Variants in ADARB2 observed in about 807,000 individuals in gnomAD.
The protein encoded by ADARB2 is inactive double-stranded RNA-specific editase B2.
ADARB2 carries 25 observed loss-of-function variants against 62.2 expected under a neutral mutation model. The ratio of observed to expected loss-of-function variants is 0.40; its 90% confidence interval spans 0.29 to 0.56. The LOEUF (loss-of-function observed/expected upper bound fraction) is 0.56, where lower values mean the gene tolerates loss of function less well. ADARB2 is among the 20% of genes least tolerant of loss of function. The pLI, the probability that ADARB2 is intolerant of heterozygous loss-of-function variation, is 0.43. For synonymous variants in ADARB2, 572 were observed against 500.8 expected (o/e 1.14, Z -1.90); for missense variants, 1,071 against 1,077.4 (o/e 0.99, Z 0.08).
chr10:1,461,085 C>T (rs545893080), intron 1 of ADARB2, among the ~76,000 whole-genome samples: 2 of 152,326 alleles, frequency 1.3e-5, no homozygotes, highest in South Asian at 2.1e-4. Flanking sequence ...AAGTAGTCAA[C>T]GCAATCAACT....
At chr10:1,247,228 G>T (rs974437447) in intron 4 of ADARB2, among the ~76,000 whole-genome samples, 1 of 152,118 alleles carries the variant, frequency 6.6e-6, no homozygotes, top group Non-Finnish European at 1.5e-5. Flanking sequence ...GGAGATTTTG[G>T]GCTGAGACAA....
rs373181374 is a variant in ADARB2 at position 1,575,661 on chromosome 10, C to T, written c.100+161390G>A. On this transcript the variant is annotated intron_variant, in intron 1 of 9. Coordinates refer to ENST00000381312, the MANE Select transcript of ADARB2 (RefSeq NM_018702.4). Reference sequence around the variant, plus strand: ...AGCCTCCTCCCCACCTGCTCCTGCGCCTCTCTGGCCCTGGGGTGGAGGAGG... The same window carrying T: ...AGCCTCCTCCCCACCTGCTCCTGCGTCTCTCTGGCCCTGGGGTGGAGGAGG... Among the ~76,000 whole-genome samples the T allele has an allele frequency of 2.0e-5, 3 of 152,336 alleles. No homozygotes were observed. The East Asian group carries it at 5.8e-4, about 29-fold the overall frequency.
chr10:1,485,752 T>C (rs1831533326), intron 1 of ADARB2, among the ~76,000 whole-genome samples: 1 of 152,188 alleles, frequency 6.6e-6, no homozygotes, highest in Admixed American at 6.5e-5. Context: ...GGGGTGAGAA[T>C]GAGGCAGCCC....
chr10:1,218,782 C>T (rs1023891531), intron 6 of ADARB2, among the ~76,000 whole-genome samples: 3 of 151,946 alleles, frequency 2.0e-5, no homozygotes, highest in South Asian at 4.2e-4. Context: ...CGGTGGCTCA[C>T]GCCTGTAATC....
Position 1,643,507 on chromosome 10 carries a change from T to C in ADARB2, c.100+93544A>G, listed in dbSNP as rs533503904. Among the ~76,000 whole-genome samples, 8 of 152,254 alleles carry C rather than the reference T, an allele frequency of 5.3e-5. No individual in the cohort carries two copies. In the East Asian group the frequency reaches 1.2e-3, roughly 22 times the overall value. ...GTGGGGGGCTAGGGTTACTTCATGA[T>C]TTCATCCCCCAAAAAACAAAAGCAA... On this transcript the variant is annotated intron_variant, in intron 1 of 9. Coordinates refer to ENST00000381312, the MANE Select transcript of ADARB2 (RefSeq NM_018702.4).
intron 1 of ADARB2, among the ~76,000 whole-genome samples, chr10:1,606,138 T>G (rs1273463174): frequency 6.6e-6 from 1 of 152,228 alleles, no homozygotes; most frequent in Non-Finnish European, 1.5e-5. Context: ...GTTCTCCATG[T>G]CTCTTCCCCC....
chr10:1,420,132 A>G (rs886571191), intron 1 of ADARB2, among the ~76,000 whole-genome samples: 7 of 152,262 alleles, frequency 4.6e-5, no homozygotes, highest in African/African-American at 1.7e-4. Context: ...ATTAAATGTG[A>G]ATAATAATAC....
At chr10:1,191,765 G>A (rs549459741) in intron 8 of ADARB2, among the ~76,000 whole-genome samples, 2 of 152,318 alleles carry the variant, frequency 1.3e-5, no homozygotes, top group East Asian at 3.9e-4. Context: ...ATTCTGCCAG[G>A]TTGTCTGGTG....
chr10:1,185,965 G>A (rs935036005), intron 8 of ADARB2, among the ~76,000 whole-genome samples: 4 of 152,202 alleles, frequency 2.6e-5, no homozygotes, highest in African/African-American at 9.6e-5. Context: ...ACTCCTTGAG[G>A]TGCTCCTGTG....
intron 1 of ADARB2, among the ~76,000 whole-genome samples, chr10:1,435,205 G>T (rs771301001): frequency 6.6e-6 from 1 of 152,194 alleles, no homozygotes. Context: ...GGTGCTGGCT[G>T]GGGGGCTGGG....
In ADARB2 at chr10:1,401,287, G is replaced by A. The variant is rs1832659631; in HGVS notation, c.101-22127C>T. On this transcript the variant is annotated intron_variant, in intron 1 of 9. Coordinates refer to ENST00000381312, the MANE Select transcript of ADARB2 (RefSeq NM_018702.4). ...CTTTCCCACAAGGCATCACCCATGG[G>A]AAGGAGGCGTGATGATGGTAAGCAG... Among the ~76,000 whole-genome samples the A allele has an allele frequency of 2.0e-5, 3 of 152,244 alleles. No homozygotes were observed. In the South Asian group the frequency reaches 6.2e-4, roughly 32 times the overall value.
chr10:1,349,713 C>A (rs1035921720), intron 3 of ADARB2, among the ~76,000 whole-genome samples: 5 of 152,202 alleles, frequency 3.3e-5, no homozygotes, highest in African/African-American at 1.2e-4. Flanking sequence ...AAAGGAGACA[C>A]ATTTTATCCA....
At chr10:1,480,522 C>G (rs1031397951) in intron 1 of ADARB2, among the ~76,000 whole-genome samples, 1 of 152,116 alleles carries the variant, frequency 6.6e-6, no homozygotes, top group African/African-American at 2.4e-5. Flanking sequence ...CATGGTGAAA[C>G]CCCATCTCTA....
chr10:1,429,788 C>T (rs1830761488), intron 1 of ADARB2, among the ~76,000 whole-genome samples: 1 of 152,204 alleles, frequency 6.6e-6, no homozygotes, highest in Non-Finnish European at 1.5e-5. Flanking sequence ...TCTTTCTCTT[C>T]CTTATCTAAC....
At chr10:1,220,267 GTGATGATGGTAA>G in intron 6 of ADARB2, among the ~76,000 whole-genome samples, 1 of 142,572 alleles carries the variant, frequency 7.0e-6, no homozygotes, top group African/African-American at 2.6e-5. Flanking sequence ...GATGATGGTG[GTGATGATGGTAA>G]TGGTGATGGT....
chr10:1,565,168 T>C (rs1832842166), intron 1 of ADARB2, among the ~76,000 whole-genome samples: 1 of 152,264 alleles, frequency 6.6e-6, no homozygotes, highest in African/African-American at 2.4e-5. Flanking sequence ...CATTGTGCTC[T>C]GGCCTGTAAT....
intron 1 of ADARB2, among the ~76,000 whole-genome samples, chr10:1,460,872 C>G (rs1359053278): frequency 7.3e-6 from 1 of 137,140 alleles, no homozygotes; most frequent in Non-Finnish European, 1.6e-5. Context: ...AACGAACCTG[C>G]CTGTGACCTG....
intron 3 of ADARB2, among the ~76,000 whole-genome samples, chr10:1,273,203 C>G (rs1041833608): frequency 3.3e-5 from 5 of 152,174 alleles, no homozygotes; most frequent in African/African-American, 9.7e-5. Context: ...GCTGTTCAAC[C>G]TGCTGCACCC....
At chr10:1,525,713 GC>G (rs751990566) in intron 1 of ADARB2, among the ~76,000 whole-genome samples, 3 of 152,206 alleles carry the variant, frequency 2.0e-5, no homozygotes, top group South Asian at 2.1e-4. Context: ...GAGGCAGCTG[GC>G]CTGAACATGT....
Sources: allele counts gnomAD v4.1 joint callset (sites outside exome capture counted in the v4.1 genomes callset), GRCh38; gene constraint gnomAD v4.1.1; transcripts MANE v1.5; gene names NCBI Gene and HGNC (gene_info 2026-07-23, HGNC 2026-07-21).